The following FAT3 variants were observed in gnomAD, a reference collection of about 807,000 sequenced individuals.
The protein encoded by FAT3 is FAT atypical cadherin 3.
FAT3 carries 95 observed loss-of-function variants against 310.2 expected under a neutral mutation model. The ratio of observed to expected loss-of-function variants is 0.31; its 90% CI spans 0.26 to 0.36. FAT3 has a LOEUF of 0.36. FAT3 is among the 10% of genes least tolerant of loss of function. The probability of loss-of-function intolerance (pLI) is 1.00; values close to 1 mark genes in which losing one functional copy is unlikely to be tolerated. For missense variants in FAT3, 5,408 were observed against 5,715.6 expected (o/e 0.95, Z 1.74); for synonymous variants, 2,314 against 2,192.9 (o/e 1.06, Z -1.54).
At position 92,893,039 on chromosome 11, in the gene FAT3, T is replaced by C. The variant is rs1293917042; in HGVS notation, c.*1926T>C. 2 of 152,252 alleles carry C rather than the reference T, an allele frequency of 1.3e-5. No individual in the cohort carries two copies. The highest frequency in any genetic ancestry group is 2.4e-5 in the African/African-American group (1 of 41,464). 9.4% of individuals were successfully genotyped at this position (152,252 alleles called of 1,614,324 possible). A position where few individuals can be genotyped will look rare whatever the true frequency, so the allele number is the denominator to read the frequency against. On this transcript the variant is annotated 3_prime_UTR_variant, in exon 28 of 28. Transcript: ENST00000525166. ...CCACAGTTTCTGATGACATATGGCA[T>C]TGGTGTGTAAATTGTACTGTCCCTA...
intron 21 of FAT3, among the ~76,000 whole-genome samples, chr11:92,861,695 C>T (rs973597056): frequency 5.3e-5 from 8 of 152,360 alleles, no homozygotes; most frequent in South Asian, 2.1e-4. Context: ...TATTCTCCTA[C>T]AGTCGCCAGG....
At chr11:92,647,615 C>T (rs1029683028) in intron 3 of FAT3, among the ~76,000 whole-genome samples, 4 of 152,124 alleles carry the variant, frequency 2.6e-5, no homozygotes, top group Admixed American at 2.6e-4. Context: ...GCATTGAGGG[C>T]TCAACATGAA....
At chr11:92,523,851 A>G (rs1196021556) in intron 2 of FAT3, among the ~76,000 whole-genome samples, 3 of 152,144 alleles carry the variant, frequency 2.0e-5, no homozygotes, top group African/African-American at 7.2e-5. Context: ...TTAGGCAGAC[A>G]TCTGATTTCC....
intron 4 of FAT3, among the ~76,000 whole-genome samples, chr11:92,701,586 C>A (rs1304350973): frequency 1.3e-5 from 2 of 152,172 alleles, no homozygotes; most frequent in Admixed American, 1.3e-4. Context: ...TCTTCTCTTC[C>A]TACCATAAAA....
chr11:92,527,095 T>G (rs531339046), intron 3 of FAT3, among the ~76,000 whole-genome samples: 1 of 152,302 alleles, frequency 6.6e-6, no homozygotes, highest in East Asian at 1.9e-4. Flanking sequence ...AATATAGGGT[T>G]GGTGGGAGTG....
chr11:92,771,312 AC>A (rs1223195761), intron 6 of FAT3, among the ~76,000 whole-genome samples: 1 of 152,140 alleles, frequency 6.6e-6, no homozygotes, highest in Non-Finnish European at 1.5e-5. Flanking sequence ...GACGATTTGG[AC>A]GTGGTTTCCT....
intron 2 of FAT3, among the ~76,000 whole-genome samples, chr11:92,383,108 A>G (rs148478223): frequency 0.078 from 11,837 of 152,168 alleles, 677 homozygotes; most frequent in African/African-American, 0.15. Flanking sequence ...TTGTTCCTGC[A>G]TTAGTTTGCT....
At position 92,809,978 on chromosome 11, in the gene FAT3, C is replaced by T; in HGVS notation, c.9383C>T (p.Pro3128Leu). The change falls in exon 13 of 28, where the codon CCC becomes CTC. Residue 3128 changes from proline to leucine, a missense_variant. Transcript: ENST00000525166. Reference protein sequence around the residue: ...HLILEDVNDNPPVFSSDHYNT... With the variant: ...HLILEDVNDNLPVFSSDHYNT... ...ATCCTGGAGGATGTGAATGATAACC[C>T]CCCTGTGTTTTCTTCTGACCACTAC... The T allele has an allele frequency of 6.2e-7, 1 of 1,613,890 alleles. No individual in the cohort carries two copies.
At chr11:92,643,895 C>T (rs1319965902) in intron 3 of FAT3, among the ~76,000 whole-genome samples, 1 of 152,240 alleles carries the variant, frequency 6.6e-6, no homozygotes, top group Non-Finnish European at 1.5e-5. Flanking sequence ...CACAAATTGC[C>T]TCATGTGATT....
At chr11:92,247,628 G>A (rs1000164995) in intron 1 of FAT3, among the ~76,000 whole-genome samples, 1 of 151,604 alleles carries the variant, frequency 6.6e-6, no homozygotes, top group African/African-American at 2.4e-5. Flanking sequence ...ATTACCAGTT[G>A]TTAGGCATTG....
chr11:92,745,146 G>A (rs1432281925), intron 4 of FAT3, among the ~76,000 whole-genome samples: 1 of 152,174 alleles, frequency 6.6e-6, no homozygotes, highest in Non-Finnish European at 1.5e-5. Context: ...AAAGCATGAA[G>A]TCCAGCACTA....
chr11:92,326,480 G>A (rs1267004733), intron 1 of FAT3, among the ~76,000 whole-genome samples: 2 of 152,290 alleles, frequency 1.3e-5, no homozygotes. Flanking sequence ...TATTGGATGC[G>A]GTAGACAAAG....
At chr11:92,813,903 C>T (rs530558477) in intron 13 of FAT3, among the ~76,000 whole-genome samples, 27 of 152,322 alleles carry the variant, frequency 1.8e-4, no homozygotes, top group African/African-American at 6.0e-4. Flanking sequence ...AAAATTCATA[C>T]GTTGGAACCT....
At chr11:92,710,773 A>T (rs113917941) in intron 4 of FAT3, among the ~76,000 whole-genome samples, 3,474 of 152,268 alleles carry the variant, frequency 0.023, 53 homozygotes, top group Non-Finnish European at 0.037. Flanking sequence ...TTCAAAAATG[A>T]TGCTTCCAGA....
At chr11:92,873,873 A>G (rs1204178293) in intron 22 of FAT3, among the ~76,000 whole-genome samples, 1 of 152,226 alleles carries the variant, frequency 6.6e-6, no homozygotes, top group Non-Finnish European at 1.5e-5. Flanking sequence ...TAGTAGGACC[A>G]TTTCCTTTCT....
intron 1 of FAT3, among the ~76,000 whole-genome samples, chr11:92,351,483 A>G (rs1948564412): frequency 6.6e-6 from 1 of 152,228 alleles, no homozygotes; most frequent in African/African-American, 2.4e-5. Flanking sequence ...ATAGGTGTTT[A>G]TATAATAATA....
At chr11:92,612,271 C>A (rs1940600587) in intron 3 of FAT3, among the ~76,000 whole-genome samples, 1 of 152,166 alleles carries the variant, frequency 6.6e-6, no homozygotes, top group South Asian at 2.1e-4. Flanking sequence ...TCCACCTCAC[C>A]CCTGCGAAAA....
rs530439226 is a variant in FAT3 at position 92,249,993 on chromosome 11, G to A, written c.-18+24819G>A. On this transcript the variant is annotated intron_variant, in intron 1 of 27. Transcript: ENST00000525166. Reference sequence around the variant, plus strand: ...AGTGCTTCCCTGTGGTAGAAAAATAGATGAGGTGATACGTATGATTTCTTT... The same window carrying A: ...AGTGCTTCCCTGTGGTAGAAAAATAAATGAGGTGATACGTATGATTTCTTT... Among the ~76,000 whole-genome samples the A allele has an allele frequency of 2.0e-3, 307 of 152,244 alleles. 2 individuals are homozygous for A. Among genetic ancestry groups the A allele is most frequent in the Non-Finnish European group, 3.7e-3 (249 of 68,004 alleles).
intron 2 of FAT3, among the ~76,000 whole-genome samples, chr11:92,365,055 T>C (rs1336574942): frequency 2.6e-5 from 4 of 152,110 alleles, no homozygotes; most frequent in Middle Eastern, 3.4e-3. Context: ...ATTCCAGGAG[T>C]TCATGACTAG....
Sources: gnomAD v4.1 joint callset for allele counts (sites outside exome capture counted in the v4.1 genomes callset) on GRCh38, gnomAD v4.1.1 for gene constraint, MANE v1.5 for transcripts, NCBI Gene and HGNC (gene_info 2026-07-23, HGNC 2026-07-21) for gene names.